Variants in ACTR3C observed in about 807,000 individuals in gnomAD.
ACTR3C encodes the protein actin-related protein 3C.
ACTR3C carries 18 observed loss-of-function variants against 26.3 expected under a neutral mutation model. That is an observed-to-expected ratio of 0.68 (90% CI 0.47 to 1.01). ACTR3C has a LOEUF of 1.01. ACTR3C is among the 50% of genes least tolerant of loss of function. The probability of loss-of-function intolerance (pLI) is 0.00; values close to 1 mark genes in which losing one functional copy is unlikely to be tolerated. For missense variants in ACTR3C, 184 were observed against 250.7 expected, an observed-to-expected ratio of 0.73 and a Z score of 1.80; for synonymous variants, 55 against 94.5, an observed-to-expected ratio of 0.58 and a Z score of 2.42.
At chr7:150,108,222 T>C in the ACTR3C span, among the ~76,000 whole-genome samples, 1 of 150,006 alleles carries the variant, frequency 6.7e-6, no homozygotes, top group Non-Finnish European at 1.5e-5. Context: ...ACACCACACT[T>C]ACACTGGAGA....
chr7:150,006,406 C>T, the ACTR3C span, among the ~76,000 whole-genome samples: 1,166 of 147,472 alleles, frequency 7.9e-3, 48 homozygotes, highest in East Asian at 0.11. Flanking sequence ...ACTGTGTTAG[C>T]CAGGATGGTC....
chr7:150,222,346 T>C, the ACTR3C span, among the ~76,000 whole-genome samples: 1 of 152,188 alleles, frequency 6.6e-6, no homozygotes, highest in African/African-American at 2.4e-5. Flanking sequence ...ATTCTTACAT[T>C]TGTAAGGTCG....
At chr7:150,293,788 T>G (rs1429294943) in intron 2 of ACTR3C, among the ~76,000 whole-genome samples, 1 of 152,008 alleles carries the variant, frequency 6.6e-6, no homozygotes, top group Non-Finnish European at 1.5e-5. Flanking sequence ...ATACAAAAAT[T>G]AGCCAGGCGT....
At chr7:149,915,436 T>C in the ACTR3C span, among the ~76,000 whole-genome samples, 1 of 152,156 alleles carries the variant, frequency 6.6e-6, no homozygotes, top group Non-Finnish European at 1.5e-5. Context: ...TTAAAAATAA[T>C]ATTGCTCTTT....
chr7:150,039,779 G>T, the ACTR3C span, among the ~76,000 whole-genome samples: 33 of 116,434 alleles, frequency 2.8e-4, no homozygotes, highest in South Asian at 1.4e-3. Context: ...CCAGAGCCAG[G>T]GGGGGAAGAG....
At chr7:149,972,722 T>A in the ACTR3C span, among the ~76,000 whole-genome samples, 23 of 152,350 alleles carry the variant, frequency 1.5e-4, no homozygotes, top group African/African-American at 5.5e-4. Flanking sequence ...TATTTCTTCA[T>A]GATGACAGCA....
At chr7:150,063,994 C>A in the ACTR3C span, among the ~76,000 whole-genome samples, 1 of 151,814 alleles carries the variant, frequency 6.6e-6, no homozygotes, top group African/African-American at 2.4e-5. Flanking sequence ...AGAAAAATAC[C>A]CCTTGCTTGA....
the ACTR3C span, among the ~76,000 whole-genome samples, chr7:150,099,381 T>TGAGA: frequency 0.15 from 22,437 of 150,822 alleles, 1,446 homozygotes; most frequent in African/African-American, 0.21. Flanking sequence ...GAAAAGACAT[T>TGAGA]TTCACACCAC....
At chr7:150,087,582 T>C in the ACTR3C span, among the ~76,000 whole-genome samples, 1 of 152,104 alleles carries the variant, frequency 6.6e-6, no homozygotes, top group Non-Finnish European at 1.5e-5. Context: ...GCAGAGACTA[T>C]CAGAGAGCAG....
chr7:150,136,424 C>A, the ACTR3C span, among the ~76,000 whole-genome samples: 1 of 152,166 alleles, frequency 6.6e-6, no homozygotes, highest in Admixed American at 6.5e-5. Context: ...AATCCCAGCA[C>A]TTTGGGAGGC....
At chr7:150,070,731 G>A in the ACTR3C span, among the ~76,000 whole-genome samples, 7 of 151,936 alleles carry the variant, frequency 4.6e-5, no homozygotes, top group East Asian at 5.8e-4. Flanking sequence ...GATTACAGGC[G>A]TGAGCCACGG....
At chr7:150,036,922 G>T in the ACTR3C span, among the ~76,000 whole-genome samples, 1 of 106,812 alleles carries the variant, frequency 9.4e-6, no homozygotes, top group African/African-American at 3.5e-5. Flanking sequence ...TCCCCCCTCT[G>T]CGATGGGGGT....
intron 1 of ACTR3C, among the ~76,000 whole-genome samples, chr7:150,308,794 TG>T (rs1448296786): frequency 6.6e-6 from 1 of 152,178 alleles, no homozygotes; most frequent in African/African-American, 2.4e-5. Context: ...TCCTCCCACC[TG>T]CCCAACAGTT....
the ACTR3C span, among the ~76,000 whole-genome samples, chr7:150,082,934 C>CTTTTCTTTTTTTCTT: frequency 3.8e-5 from 4 of 104,966 alleles, no homozygotes; most frequent in Admixed American, 1.0e-4. Context: ...TCTTTTTTTT[C>CTTTTCTTTTTTTCTT]TTTTTTTTTT....
the ACTR3C span, among the ~76,000 whole-genome samples, chr7:150,055,112 A>T: frequency 6.6e-6 from 1 of 152,240 alleles, no homozygotes; most frequent in Non-Finnish European, 1.5e-5. Flanking sequence ...TAGCATTTTT[A>T]ATCTACTCAT....
At chr7:149,884,610 A>C in the ACTR3C span, among the ~76,000 whole-genome samples, 2 of 151,988 alleles carry the variant, frequency 1.3e-5, no homozygotes, top group East Asian at 3.9e-4. Flanking sequence ...AAAAAAAGGA[A>C]TCACTTAAGC....
intron 3 of ACTR3C, among the ~76,000 whole-genome samples, chr7:150,292,448 T>C (rs530994269): frequency 3.2e-4 from 49 of 152,150 alleles, no homozygotes; most frequent in Non-Finnish European, 6.2e-4. Flanking sequence ...AAAGTGGTAT[T>C]GCAGAGCCTT....
intron 6 of ACTR3C, among the ~76,000 whole-genome samples, chr7:150,265,726 C>A (rs1459550777): frequency 1.3e-5 from 2 of 152,024 alleles, no homozygotes; most frequent in Non-Finnish European, 2.9e-5. Flanking sequence ...GAAAGAATTT[C>A]AAGCTCAGCA....
At chr7:150,201,037 A>G in the ACTR3C span, among the ~76,000 whole-genome samples, 4 of 152,366 alleles carry the variant, frequency 2.6e-5, no homozygotes, top group African/African-American at 4.8e-5. Context: ...TTGATCATGA[A>G]CTAACTTTCT....
Sources: gnomAD v4.1 joint callset for allele counts (sites outside exome capture counted in the v4.1 genomes callset) on GRCh38, gnomAD v4.1.1 for gene constraint, MANE v1.5 for transcripts, NCBI Gene and HGNC (gene_info 2026-07-23, HGNC 2026-07-21) for gene names.